Variants in TBC1D22A observed in about 807,000 individuals in gnomAD.
TBC1D22A encodes TBC1 domain family member 22A.
TBC1D22A carries 38 observed loss-of-function variants against 60.2 expected under a neutral mutation model. That is an observed-to-expected ratio of 0.63 (90% confidence interval 0.49 to 0.83). The LOEUF (loss-of-function observed/expected upper bound fraction) is 0.83. Among genes scored for constraint, TBC1D22A ranks in the 40% least tolerant of loss-of-function variants. The probability of loss-of-function intolerance (pLI) is 0.00; values close to 1 mark genes in which losing one functional copy is unlikely to be tolerated. For synonymous variants in TBC1D22A, 302 were observed against 281.7 expected (o/e 1.07, Z -0.72); for missense variants, 628 against 701.0 (o/e 0.90, Z 1.18).
In TBC1D22A at chr22:46,792,710, G is replaced by A. The variant is rs73477339; in HGVS notation, c.119+134G>A. 5,034 of 1,581,146 alleles carry A rather than the reference G, an allele frequency of 3.2e-3. 159 individuals carry two copies. In the African/African-American group the frequency reaches 0.06, roughly 19 times the overall value. On this transcript the variant is annotated intron_variant, in intron 2 of 12. Coordinates refer to ENST00000337137, the MANE Select transcript of TBC1D22A (RefSeq NM_014346.5). ...GACTGGTTTCTCATTCAGCCACACT[G>A]ATCAAGCAGTCGCTTTGTGTGAGAT...
intron 11 of TBC1D22A, among the ~76,000 whole-genome samples, chr22:47,058,927 C>G (rs1429031570): frequency 6.6e-6 from 1 of 152,162 alleles, no homozygotes; most frequent in Non-Finnish European, 1.5e-5. Context: ...GGAACCTCTC[C>G]CCATACCCCT....
At position 46,792,906 on chromosome 22, in the gene TBC1D22A, C is replaced by T. The variant is rs902411491; in HGVS notation, c.119+330C>T. 445 of 1,394,948 alleles carry T rather than the reference C, an allele frequency of 3.2e-4. 1 individual carries two copies. The highest frequency in any genetic ancestry group is 3.9e-4 in the Non-Finnish European group (414 of 1,067,662). The allele number at this position is 1,394,948 out of a possible 1,614,324, so 86.4% of individuals were successfully genotyped here. On this transcript the variant is annotated intron_variant, in intron 2 of 12. Transcript: ENST00000337137. The stretch of plus-strand genomic sequence containing the variant: ...GCTTGTCCTTTCCCCTCCTCCTTCC[C>T]GCATTCTCCACCAGCTGCTGGAGCC...
intron 11 of TBC1D22A, among the ~76,000 whole-genome samples, chr22:47,099,941 A>C (rs1440340199): frequency 1.3e-5 from 2 of 152,172 alleles, no homozygotes; most frequent in Non-Finnish European, 2.9e-5. Context: ...CACGGGCCCC[A>C]AACAGTGAGG....
chr22:46,982,996 C>T (rs543204180), intron 9 of TBC1D22A, among the ~76,000 whole-genome samples: 68 of 152,318 alleles, frequency 4.5e-4, no homozygotes, highest in African/African-American at 1.5e-3. Flanking sequence ...TTTGTGGCAC[C>T]GCAGTAAGAA....
intron 11 of TBC1D22A, among the ~76,000 whole-genome samples, chr22:47,079,409 A>G (rs1312869165): frequency 1.3e-5 from 2 of 152,174 alleles, no homozygotes; most frequent in African/African-American, 4.8e-5. Flanking sequence ...TTGATAAAGA[A>G]AAATTGAAGT....
At chr22:46,797,711 G>GT (rs1368579041) in intron 4 of TBC1D22A, 91 bp downstream of exon 4, 7 of 1,339,904 alleles carry the variant, frequency 5.2e-6, no homozygotes, top group Non-Finnish European at 7.0e-6. Flanking sequence ...GTATGCTTAT[G>GT]TAATGCACAC....
At chr22:46,769,093 CAAAAAAA>C (rs61105868) in intron 1 of TBC1D22A, among the ~76,000 whole-genome samples, 2 of 72,654 alleles carry the variant, frequency 2.8e-5, no homozygotes, top group South Asian at 5.9e-4. Context: ...GACTCTGTCT[CAAAAAAA>C]AAAAAAAAAA....
At chr22:47,041,090 T>A (rs1171081358) in intron 11 of TBC1D22A, among the ~76,000 whole-genome samples, 1 of 152,178 alleles carries the variant, frequency 6.6e-6, no homozygotes, top group African/African-American at 2.4e-5. Flanking sequence ...GACTTGATGC[T>A]TTTTTTCTAA....
chr22:46,888,491 C>T (rs1400703775), intron 5 of TBC1D22A, among the ~76,000 whole-genome samples: 1 of 152,196 alleles, frequency 6.6e-6, no homozygotes, highest in Non-Finnish European at 1.5e-5. Context: ...GTTGTGCCCG[C>T]CATCTGGTTG....
At chr22:46,992,713 G>GGCTTTAATGTA (rs2074991419) in intron 9 of TBC1D22A, among the ~76,000 whole-genome samples, 3 of 152,154 alleles carry the variant, frequency 2.0e-5, no homozygotes, top group Non-Finnish European at 2.9e-5. Context: ...GGACTGATGC[G>GGCTTTAATGTA]TTAATGGCTT....
chr22:46,836,854 T>C (rs1373014772), intron 4 of TBC1D22A, among the ~76,000 whole-genome samples: 1 of 152,036 alleles, frequency 6.6e-6, no homozygotes, highest in Admixed American at 6.6e-5. Context: ...AAAATAGACA[T>C]TAAGTTAAAA....
intron 5 of TBC1D22A, among the ~76,000 whole-genome samples, chr22:46,890,226 C>G (rs991218117): frequency 3.3e-5 from 5 of 152,070 alleles, no homozygotes; most frequent in African/African-American, 9.7e-5. Flanking sequence ...GTAATCCCAG[C>G]TACTCGGGAG....
At chr22:47,025,971 C>G (rs1034645591) in intron 10 of TBC1D22A, among the ~76,000 whole-genome samples, 1 of 152,150 alleles carries the variant, frequency 6.6e-6, no homozygotes, top group Non-Finnish European at 1.5e-5. Flanking sequence ...AGACTGGTAT[C>G]CATCATGAGC....
At chr22:47,089,784 G>A (rs1170134550) in intron 11 of TBC1D22A, among the ~76,000 whole-genome samples, 1 of 152,178 alleles carries the variant, frequency 6.6e-6, no homozygotes, top group African/African-American at 2.4e-5. Flanking sequence ...CTGGTTAATG[G>A]TTATTGGGTG....
chr22:46,763,410 T>TG (rs2083176860), intron 1 of TBC1D22A: 1 of 127,182 alleles, frequency 7.9e-6, no homozygotes, highest in Non-Finnish European at 1.6e-5. Context: ...TTTTTTTTTT[T>TG]TTTTTTTTTT....
intron 10 of TBC1D22A, among the ~76,000 whole-genome samples, chr22:47,008,700 A>G (rs2061660201): frequency 6.6e-6 from 1 of 152,188 alleles, no homozygotes; most frequent in South Asian, 2.1e-4. Context: ...CTTCCTGATG[A>G]TCTCAGGGCG....
chr22:46,904,142 T>TCTGCCTGCCTACCTACCTAC (rs369598619), intron 7 of TBC1D22A, among the ~76,000 whole-genome samples: 12 of 134,576 alleles, frequency 8.9e-5, no homozygotes, highest in African/African-American at 3.2e-4. Context: ...TATCTATCTA[T>TCTGCCTGCCTACCTACCTAC]CTACCTACCT....
At chr22:46,794,734 C>T (rs1854526674) in intron 3 of TBC1D22A, among the ~76,000 whole-genome samples, 1 of 152,146 alleles carries the variant, frequency 6.6e-6, no homozygotes, top group African/African-American at 2.4e-5. Context: ...AACGCGGTGG[C>T]CCTGAGAGCA....
intron 4 of TBC1D22A, among the ~76,000 whole-genome samples, chr22:46,869,286 C>T (rs962001751): frequency 6.6e-6 from 1 of 152,246 alleles, no homozygotes; most frequent in African/African-American, 2.4e-5. Context: ...GAAGAGACCA[C>T]CCCTCCTCTG....
Sources: allele counts gnomAD v4.1 joint callset (sites outside exome capture counted in the v4.1 genomes callset), GRCh38; gene constraint gnomAD v4.1.1; transcripts MANE v1.5; gene names NCBI Gene and HGNC (gene_info 2026-07-23, HGNC 2026-07-21).